TRPM3: variants seen among roughly 807,000 people sequenced by gnomAD.
TRPM3 encodes the protein transient receptor potential cation channel subfamily M member 3, also known as long transient receptor potential channel 3.
Under a neutral mutation model 181.2 loss-of-function variants are expected in TRPM3, and 77 were observed. The ratio of observed to expected loss-of-function variants is 0.42; its 90% CI spans 0.35 to 0.51. The LOEUF (loss-of-function observed/expected upper bound fraction) is 0.51. Ranked by LOEUF, TRPM3 falls within the 20% of genes least tolerant of loss-of-function variation. TRPM3 has a pLI of 0.01. For synonymous variants in TRPM3, 745 were observed against 796.4 expected, an observed-to-expected ratio of 0.94 and a Z score of 1.09; for missense variants, 1,759 against 2,196.7, an observed-to-expected ratio of 0.80 and a Z score of 3.98.
intron 6 of TRPM3, among the ~76,000 whole-genome samples, chr9:70,804,290 A>G (rs937454072): frequency 2.0e-5 from 3 of 152,130 alleles, no homozygotes; most frequent in African/African-American, 7.2e-5. Context: ...AGATTGCACT[A>G]CTGGGCAACA....
chr9:71,168,537 T>TTGATTGATTGATTGATTGATTTTTG (rs2076653508), intron 1 of TRPM3, among the ~76,000 whole-genome samples: 1 of 10,378 alleles, frequency 9.6e-5, no homozygotes, highest in Non-Finnish European at 1.9e-4. Context: ...TAAGGTGTGA[T>TTGATTGATTGATTGATTGATTTTTG]TTATTTATTT....
chr9:71,068,533 G>A (rs946373789), intron 1 of TRPM3, among the ~76,000 whole-genome samples: 1 of 152,160 alleles, frequency 6.6e-6, no homozygotes, highest in Non-Finnish European at 1.5e-5. Flanking sequence ...TGTGCTTCTA[G>A]AAACTACTTA....
intron 5 of TRPM3, among the ~76,000 whole-genome samples, chr9:70,836,437 A>G (rs1305912867): frequency 6.6e-6 from 1 of 152,138 alleles, no homozygotes; most frequent in South Asian, 2.1e-4. Context: ...CTTCCTCCTG[A>G]ACCCATTGAA....
At chr9:71,328,615 C>G (rs2089893867) in intron 1 of TRPM3, among the ~76,000 whole-genome samples, 1 of 152,204 alleles carries the variant, frequency 6.6e-6, no homozygotes, top group African/African-American at 2.4e-5. Context: ...ATTCCCAGAT[C>G]TGTCCCTAGC....
intron 1 of TRPM3, among the ~76,000 whole-genome samples, chr9:71,186,872 A>G (rs1170430881): frequency 1.3e-5 from 2 of 152,098 alleles, no homozygotes; most frequent in East Asian, 1.9e-4. Flanking sequence ...CAACTCATCT[A>G]TGAACAAATG....
intron 1 of TRPM3, among the ~76,000 whole-genome samples, chr9:71,331,797 GGAGGAGAAAGAC>G (rs1436109406): frequency 6.1e-5 from 3 of 48,908 alleles, no homozygotes; most frequent in Non-Finnish European, 1.3e-4. Flanking sequence ...AAGAGGAGAG[GGAGGAGAAAGAC>G]GAGGAGAGAG....
At chr9:71,253,843 T>C (rs1277722273) in intron 1 of TRPM3, among the ~76,000 whole-genome samples, 1 of 152,176 alleles carries the variant, frequency 6.6e-6, no homozygotes, top group African/African-American at 2.4e-5. Context: ...AAATGTAGTA[T>C]ATGTACACAA....
intron 3 of TRPM3, 100 bp from the exon 4 acceptor site, chr9:70,846,691 AC>A: frequency 2.1e-6 from 2 of 951,280 alleles, no homozygotes; most frequent in Non-Finnish European, 3.2e-6. Context: ...TGTGACAAAA[AC>A]GTCTCATATA....
intron 22 of TRPM3, among the ~76,000 whole-genome samples, chr9:70,581,082 G>A (rs2055515205): frequency 6.6e-6 from 1 of 152,192 alleles, no homozygotes; most frequent in Non-Finnish European, 1.5e-5. Context: ...ATTCCTTTGT[G>A]TATTAGATTA....
intron 1 of TRPM3, among the ~76,000 whole-genome samples, chr9:71,047,349 G>A (rs907581564): frequency 1.3e-5 from 2 of 152,012 alleles, no homozygotes; most frequent in African/African-American, 4.8e-5. Context: ...ACTTTTTCTA[G>A]ATTTTCTTCT....
At chr9:70,863,145 T>C (rs756611811) in intron 2 of TRPM3, 33 bp from the exon 3 acceptor site, 15 of 1,584,614 alleles carry the variant, frequency 9.5e-6, no homozygotes, top group Admixed American at 5.1e-5. Context: ...GAACCCCTGG[T>C]ATTAGTCACT....
At chr9:71,215,198 T>C (rs2079789183) in intron 1 of TRPM3, among the ~76,000 whole-genome samples, 1 of 152,216 alleles carries the variant, frequency 6.6e-6, no homozygotes, top group Non-Finnish European at 1.5e-5. Context: ...CCATTTGCAC[T>C]AGAAATCAAA....
intron 9 of TRPM3, among the ~76,000 whole-genome samples, chr9:70,670,608 CTGT>C (rs1010589831): frequency 6.6e-6 from 1 of 152,034 alleles, no homozygotes; most frequent in Non-Finnish European, 1.5e-5. Context: ...AGGTTTTCTG[CTGT>C]TTTTGTTTTT....
rs542113901 is a variant in TRPM3 at position 71,083,306 on chromosome 9, TACA to T, written c.177+37869_177+37871del. 2.4e-3 allele frequency among the ~76,000 whole-genome samples: 360 copies of T among 152,178 alleles called. 3 individuals carry two copies. The Middle Eastern group carries it at 0.027, about 12-fold the overall frequency. On this transcript the variant is annotated intron_variant, in intron 1 of 25. Transcript: ENST00000677713. The stretch of plus-strand genomic sequence containing the variant: ...TACAGACATCATCTCGTGAAATGCT[TACA>T]ACATCACAGTGGGAAAATTTAATAT...
At chr9:70,740,181 C>T (rs1005275528) in intron 8 of TRPM3, among the ~76,000 whole-genome samples, 2 of 152,084 alleles carry the variant, frequency 1.3e-5, no homozygotes, top group South Asian at 4.1e-4. Flanking sequence ...CCATCAACGA[C>T]CAAGCTGAGA....
intron 1 of TRPM3, among the ~76,000 whole-genome samples, chr9:71,438,634 CT>C (rs1212448701): frequency 9.9e-5 from 15 of 152,198 alleles, no homozygotes; most frequent in African/African-American, 2.9e-4. Context: ...GATTGTGCCA[CT>C]GCACCCCAGC....
In TRPM3 at chr9:71,437,876, A is replaced by G. The variant is rs925922859; in HGVS notation, c.183+8777T>C. ...GAGCGAAACTCCGGAAAAAAAAAAA[A>G]AAAAGAAAAAAAAACCCTAAAACAT... On this transcript the variant is annotated intron_variant, in intron 1 of 24. Coordinates refer to the TRPM3 transcript ENST00000357533. Among the ~76,000 whole-genome samples the G allele has an allele frequency of 2.0e-4, 31 of 152,028 alleles. 1 individual carries two copies. Among genetic ancestry groups the G allele is most frequent in the African/African-American group, 7.2e-4 (30 of 41,428 alleles).
intron 1 of TRPM3, among the ~76,000 whole-genome samples, chr9:71,054,706 T>C (rs149708332): frequency 1.3e-5 from 2 of 152,206 alleles, no homozygotes; most frequent in East Asian, 3.9e-4. Flanking sequence ...GAGCTTGCAA[T>C]TTCACTAGAG....
rs144839870 is a variant in TRPM3, at chr9:70,945,757, T to C, written c.178-81246A>G. On this transcript the variant is annotated intron_variant, in intron 1 of 25. Coordinates refer to ENST00000677713, the MANE Select transcript of TRPM3 (RefSeq NM_001366145.2). ...TTCTTGTCAGTTAGCAACCCTAAAATATAGAACAAGTTAATTTTGAGTTAA... is the reference window on the plus strand; with the variant it reads ...TTCTTGTCAGTTAGCAACCCTAAAACATAGAACAAGTTAATTTTGAGTTAA... Among the ~76,000 whole-genome samples, 527 of 152,234 alleles carry C rather than the reference T, an allele frequency of 3.5e-3. 3 individuals are homozygous for C. The highest frequency in any genetic ancestry group is 0.011 in the African/African-American group (472 of 41,562).
Sources: gnomAD v4.1 joint callset for allele counts (sites outside exome capture counted in the v4.1 genomes callset) on GRCh38, gnomAD v4.1.1 for gene constraint, MANE v1.5 for transcripts, NCBI Gene and HGNC (gene_info 2026-07-23, HGNC 2026-07-21) for gene names.